Variants in CTNNB1 observed in about 807,000 individuals in gnomAD.
CTNNB1 encodes the protein catenin beta 1, also known as catenin beta-1.
Under a neutral mutation model 82.5 loss-of-function variants are expected in CTNNB1, and 6 were observed. The ratio of observed to expected loss-of-function variants is 0.07; its 90% CI spans 0.04 to 0.14. The LOEUF is 0.14. Ranked by LOEUF, CTNNB1 falls within the 10% of genes least tolerant of loss-of-function variation. CTNNB1 has a pLI of 1.00. For missense variants in CTNNB1, 529 were observed against 980.4 expected (o/e 0.54, Z 6.15); for synonymous variants, 312 against 329.7 (o/e 0.95, Z 0.58).
chr3:41,207,185 A>G (rs1012284084), intron 1 of CTNNB1, among the ~76,000 whole-genome samples: 1 of 152,292 alleles, frequency 6.6e-6, no homozygotes, highest in Non-Finnish European at 1.5e-5. Flanking sequence ...AAGTTTACAG[A>G]TGAGATATCT....
chr3:41,232,281 G>T (rs569673593), intron 7 of CTNNB1, among the ~76,000 whole-genome samples: 1 of 152,232 alleles, frequency 6.6e-6, no homozygotes, highest in East Asian at 1.9e-4. Flanking sequence ...TTAAAGAGGG[G>T]AAAGAAGGTA....
chr3:41,211,892 C>G (rs1402468202), intron 1 of CTNNB1, among the ~76,000 whole-genome samples: 2 of 152,172 alleles, frequency 1.3e-5, no homozygotes, highest in African/African-American at 2.4e-5. Flanking sequence ...AATGTGTTTT[C>G]AACATGGTAG....
At chr3:41,228,409 A>G (rs1278285864) in intron 7 of CTNNB1, among the ~76,000 whole-genome samples, 1 of 152,210 alleles carries the variant, frequency 6.6e-6, no homozygotes, top group Non-Finnish European at 1.5e-5. Context: ...ATTAGTAGCC[A>G]TTCTAACTGG....
rs2078443858 is a variant in CTNNB1 at position 41,236,650 on chromosome 3, C to T, written c.2017C>T (p.Arg673Trp). Residue 673 changes from arginine to tryptophan, a missense_variant, in exon 13 of 15, where the codon CGG (arginine) becomes TGG (tryptophan). Physicochemically the swap from Arg to Trp is moderately radical, Grantham distance 101. Transcript: ENST00000349496. Reference protein sequence around the residue: ...SEDKPQDYKKRLSVELTSSLF... With the variant: ...SEDKPQDYKKWLSVELTSSLF... ...GGACAAGCCACAAGATTACAAGAAA[C>T]GGCTTTCAGTTGAGCTGACCAGCTC... is the stretch of plus-strand genomic sequence containing the variant. 1 of 1,614,216 alleles carries T rather than the reference C, an allele frequency of 6.2e-7. No individual in the cohort carries two copies.
At chr3:41,232,439 G>A (rs1334216439) in intron 7 of CTNNB1, among the ~76,000 whole-genome samples, 1 of 151,944 alleles carries the variant, frequency 6.6e-6, no homozygotes, top group African/African-American at 2.4e-5. Context: ...AAGGAGAAGT[G>A]CAGGGTACCA....
intron 1 of CTNNB1, among the ~76,000 whole-genome samples, chr3:41,201,647 A>C (rs947018819): frequency 2.6e-5 from 4 of 152,034 alleles, no homozygotes; most frequent in African/African-American, 7.2e-5. Context: ...TGGAGTCCTG[A>C]GTCTCCCACA....
chr3:41,224,110 A>T, intron 2 of CTNNB1, 29 bp downstream of exon 2: 1 of 1,613,462 alleles, frequency 6.2e-7, no homozygotes, highest in Non-Finnish European at 8.5e-7. Flanking sequence ...TTAGTTACTG[A>T]ATTGGGGCTC....
At chr3:41,216,976 A>G (rs1229672210) in intron 1 of CTNNB1, among the ~76,000 whole-genome samples, 1 of 151,924 alleles carries the variant, frequency 6.6e-6, no homozygotes, top group Non-Finnish European at 1.5e-5. Context: ...TTTCCCCTTT[A>G]TAGCTGCTGG....
intron 1 of CTNNB1, among the ~76,000 whole-genome samples, chr3:41,209,133 T>C (rs916025287): frequency 2.6e-5 from 4 of 152,222 alleles, no homozygotes; most frequent in Admixed American, 1.3e-4. Flanking sequence ...TCCTCTTACT[T>C]CACTAGCATT....
intron 14 of CTNNB1, 99 bp downstream of exon 14, chr3:41,238,175 C>A: frequency 9.5e-7 from 1 of 1,051,540 alleles, no homozygotes; most frequent in Non-Finnish European, 1.5e-6. Flanking sequence ...CCAGTGTTGG[C>A]AGAAAAGTAG....
rs372860457 is a variant in CTNNB1, at chr3:41,224,513, T to G, written c.14-13T>G. ...TCCAATCTACTAATGCTAATACTGT[T>G]TCGTATTTATAGCTGATTTGATGGA... On this transcript the variant is annotated splice_polypyrimidine_tract_variant and intron_variant, in intron 2 of 14. Coordinates refer to ENST00000349496, the MANE Select transcript of CTNNB1 (RefSeq NM_001904.4). 1.9e-6 allele frequency: 3 copies of G among 1,607,868 alleles called. No individual in the cohort carries two copies. The highest frequency in any genetic ancestry group is 2.6e-6 in the Non-Finnish European group (3 of 1,174,660).
chr3:41,206,376 C>T (rs1270799898), intron 1 of CTNNB1, among the ~76,000 whole-genome samples: 2 of 152,140 alleles, frequency 1.3e-5, no homozygotes, highest in Non-Finnish European at 2.9e-5. Flanking sequence ...GCTTCTCTTA[C>T]TAACAGGGTT....
chr3:41,227,386 T>C (rs2125628615), intron 7 of CTNNB1, 34 bp downstream of exon 7: 1 of 1,609,308 alleles, frequency 6.2e-7, no homozygotes, highest in Non-Finnish European at 8.5e-7. Context: ...GTCTTGTGTA[T>C]AGCATCTGCA....
chr3:41,210,019 AT>A (rs2077741701), intron 1 of CTNNB1, among the ~76,000 whole-genome samples: 2 of 152,270 alleles, frequency 1.3e-5, no homozygotes, highest in East Asian at 1.9e-4. Context: ...TGAATTCTTA[AT>A]TTTTTAAACG....
At chr3:41,231,303 G>T (rs2078301791) in intron 7 of CTNNB1, among the ~76,000 whole-genome samples, 1 of 151,292 alleles carries the variant, frequency 6.6e-6, no homozygotes, top group African/African-American at 2.4e-5. Context: ...CTTCAGCCTG[G>T]GCGACAGAGT....
At chr3:41,236,791 G>C (rs1007613502) in intron 13 of CTNNB1, 82 bp downstream of exon 13, 16 of 1,564,412 alleles carry the variant, frequency 1.0e-5, no homozygotes, top group South Asian at 5.5e-5. Flanking sequence ...AAAACACTTA[G>C]TACACATTCA....
intron 1 of CTNNB1, among the ~76,000 whole-genome samples, chr3:41,216,687 T>G (rs1373087646): frequency 6.6e-6 from 1 of 152,244 alleles, no homozygotes; most frequent in East Asian, 1.9e-4. Context: ...TATATTTCAG[T>G]ATTTGGCTAA....
At chr3:41,237,469 C>CAAAAAAAAAAAA (rs2078464633) in intron 13 of CTNNB1, 4 of 90,866 alleles carry the variant, frequency 4.4e-5, no homozygotes, top group African/African-American at 1.1e-4. Flanking sequence ...AAAAAAAAAG[C>CAAAAAAAAAAAA]AAATTACCAG....
chr3:41,229,937 G>C (rs976585552), intron 7 of CTNNB1, among the ~76,000 whole-genome samples: 2 of 149,974 alleles, frequency 1.3e-5, no homozygotes, highest in African/African-American at 4.9e-5. Flanking sequence ...TAGCTACCAA[G>C]CATTTTTTCT....
Sources: allele counts gnomAD v4.1 joint callset (sites outside exome capture counted in the v4.1 genomes callset), GRCh38; gene constraint gnomAD v4.1.1; transcripts MANE v1.5; gene names NCBI Gene and HGNC (gene_info 2026-07-23, HGNC 2026-07-21).